EPAS1: variants seen among roughly 807,000 people sequenced by gnomAD.
EPAS1 encodes endothelial PAS domain-containing protein 1.
EPAS1 carries 23 observed loss-of-function variants against 87.9 expected under a neutral mutation model. The observed-to-expected ratio is 0.26, with a 90% CI of 0.19 to 0.37. The LOEUF (loss-of-function observed/expected upper bound fraction) is 0.37, where lower values mean the gene tolerates loss of function less well. Among genes scored for constraint, EPAS1 ranks in the 10% least tolerant of loss-of-function variants. The probability of loss-of-function intolerance (pLI) is 1.00; values close to 1 mark genes in which losing one functional copy is unlikely to be tolerated. For synonymous variants in EPAS1, 508 were observed against 444.3 expected (o/e 1.14, Z -1.80); for missense variants, 1,138 against 1,120.7 (o/e 1.02, Z -0.22).
chr2:46,347,316 G>A lies in EPAS1; in HGVS notation c.217+253G>A, dbSNP rs950552672. ...GGAAGAACATGGGCACCCAGAGGCTGTGGAGAACACGGGCTGGGAGAACCA... is the reference window on the plus strand; with the variant it reads ...GGAAGAACATGGGCACCCAGAGGCTATGGAGAACACGGGCTGGGAGAACCA... On this transcript the variant is annotated intron_variant, in intron 2 of 15. Coordinates refer to ENST00000263734, the MANE Select transcript of EPAS1 (RefSeq NM_001430.5). The surrounding 1 kb of genome is among the most constrained non-coding windows in gnomAD (Gnocchi z 4.2). 1.6e-5 allele frequency: 9 copies of A among 566,912 alleles called. No homozygotes were observed. In the African/African-American group the frequency reaches 1.7e-4, roughly 11 times the overall value. 35.1% of individuals were successfully genotyped at this position (566,912 alleles called of 1,614,324 possible). A position where few individuals can be genotyped will look rare whatever the true frequency, so the allele number is the denominator to read the frequency against.
At chr2:46,359,825 G>C (rs1353465118) in intron 4 of EPAS1, among the ~76,000 whole-genome samples, 1 of 152,194 alleles carries the variant, frequency 6.6e-6, no homozygotes, top group Non-Finnish European at 1.5e-5. Context: ...TTTAGACACA[G>C]ACAAGTGGGA....
chr2:46,384,567 C>G lies in EPAS1; in HGVS notation c.2520C>G (p.Thr840=), dbSNP rs749856967. 1.9e-6 allele frequency: 3 copies of G among 1,614,176 alleles called. No individual in the cohort carries two copies. Among genetic ancestry groups the G allele is most frequent in the Non-Finnish European group, 2.5e-6 (3 of 1,180,034 alleles). The part of the protein sequence containing the change: ...SFESYLLPEL[T]RYDCEVNVPV... ...AGTCCTACCTGCTGCCCGAACTGAC[C>G]AGATATGACTGTGAGGTGAACGTGC... The change falls in exon 16 of 16, where the codon ACC becomes ACG. Residue 840 remains threonine (T), a synonymous_variant. Transcript: ENST00000263734.
chr2:46,363,272 A>C (rs964780143), intron 6 of EPAS1, among the ~76,000 whole-genome samples: 12 of 152,180 alleles, frequency 7.9e-5, no homozygotes, highest in Admixed American at 7.9e-4. Flanking sequence ...GAGCATATAT[A>C]GTGCTGGGGA....
rs1254881855 is a variant in EPAS1, at chr2:46,375,328, AG to A, written c.887-361del. On this transcript the variant is annotated intron_variant, in intron 7 of 15. Transcript: ENST00000263734. This position sits in a 1 kb window ranked among gnomAD's most constrained non-coding sequence, Gnocchi z 4.1. ...TCTTCTCATTGAACCCCATGAAGAA[AG>A]TAAGGCAGGTTCTGGACTTGGTTCT... 2.0e-5 allele frequency among the ~76,000 whole-genome samples: 3 copies of A among 152,090 alleles called. No homozygotes were observed. Among genetic ancestry groups the A allele is most frequent in the African/African-American group, 7.2e-5 (3 of 41,412 alleles).
chr2:46,313,583 C>T (rs560494943), intron 1 of EPAS1, among the ~76,000 whole-genome samples: 2 of 152,186 alleles, frequency 1.3e-5, no homozygotes, highest in South Asian at 4.2e-4. Flanking sequence ...TCCTGAGTAG[C>T]GGGGATTACA....
intron 1 of EPAS1, among the ~76,000 whole-genome samples, chr2:46,320,306 T>G (rs1683428985): frequency 6.6e-6 from 1 of 152,224 alleles, no homozygotes; most frequent in South Asian, 2.1e-4. Flanking sequence ...ACTTGCCATG[T>G]GTACACATTT....
chr2:46,302,118 C>CTCTCTGTG (rs35925160), intron 1 of EPAS1, among the ~76,000 whole-genome samples: 55 of 127,642 alleles, frequency 4.3e-4, no homozygotes, highest in Middle Eastern at 3.7e-3. Context: ...CTCTTTCTCT[C>CTCTCTGTG]TGTGTGTGTG....
Position 46,302,118 on chromosome 2 carries a change from C to CTCTGTG in EPAS1, c.26+4182_26+4183insCTGTGT, listed in dbSNP as rs35925160. Among the ~76,000 whole-genome samples, 469 of 127,616 alleles carry CTCTGTG rather than the reference C, an allele frequency of 3.7e-3. 4 individuals carry two copies. Among genetic ancestry groups the CTCTGTG allele is most frequent in the Admixed American group, 5.4e-3 (70 of 12,908 alleles). 83.7% of individuals were successfully genotyped at this position (127,616 alleles called of 152,430 possible). A position where few individuals can be genotyped will look rare whatever the true frequency, so the allele number is the denominator to read the frequency against. ...TTACTTAGAATGTCCCTCTTTCTCT[C>CTCTGTG]TGTGTGTGTGTGTGTGTGTGTGTGT... On this transcript the variant is annotated intron_variant, in intron 1 of 15. Transcript: ENST00000263734.
chr2:46,370,644 T>C, intron 7 of EPAS1, among the ~76,000 whole-genome samples: 1 of 152,242 alleles, frequency 6.6e-6, no homozygotes. Flanking sequence ...GTGGAAATGT[T>C]CTTGAAATGT....
At chr2:46,298,041 C>T (rs1009469345) in intron 1 of EPAS1, 104 bp downstream of exon 1, 1 of 1,418,018 alleles carries the variant, frequency 7.1e-7, no homozygotes, top group East Asian at 2.4e-5. Context: ...GCTGAGAGGT[C>T]TTCGGAGCTC....
At chr2:46,316,635 A>G (rs932092435) in intron 1 of EPAS1, among the ~76,000 whole-genome samples, 1 of 152,198 alleles carries the variant, frequency 6.6e-6, no homozygotes, top group African/African-American at 2.4e-5. Context: ...GCCTTCAGTG[A>G]GTCATAATCT....
intron 1 of EPAS1, among the ~76,000 whole-genome samples, chr2:46,311,829 C>T (rs1379228193): frequency 6.6e-6 from 1 of 152,172 alleles, no homozygotes; most frequent in East Asian, 1.9e-4. Context: ...TGGCCGCCAG[C>T]CAGCCCAAGG....
intron 1 of EPAS1, among the ~76,000 whole-genome samples, chr2:46,301,294 G>T (rs1682991057): frequency 6.6e-6 from 1 of 152,110 alleles, no homozygotes; most frequent in Non-Finnish European, 1.5e-5. Flanking sequence ...TAAGAGTCAG[G>T]GCTGGTCGCG....
chr2:46,307,465 C>A (rs552504478), intron 1 of EPAS1, among the ~76,000 whole-genome samples: 1 of 152,150 alleles, frequency 6.6e-6, no homozygotes, highest in Non-Finnish European at 1.5e-5. Context: ...GGGAGTCTGT[C>A]TTTTATTCTG....
chr2:46,308,452 C>CT (rs145820702), intron 1 of EPAS1, among the ~76,000 whole-genome samples: 6,772 of 90,864 alleles, frequency 0.075, 668 homozygotes, highest in African/African-American at 0.2. Context: ...ACCTTGCTTG[C>CT]TTTTTTTTGG....
Position 46,346,945 on chromosome 2 carries a change from G to A in EPAS1, c.99G>A (p.Val33=), listed in dbSNP as rs759108016. 1.2e-6 allele frequency: 2 copies of A among 1,614,206 alleles called. No homozygotes were observed. The highest frequency in any genetic ancestry group is 1.7e-6 in the Non-Finnish European group (2 of 1,180,024). The change falls in exon 2 of 16, where the codon GTG becomes GTA. Residue 33 remains valine, a synonymous_variant. Coordinates refer to ENST00000263734, the MANE Select transcript of EPAS1 (RefSeq NM_001430.5). This position sits in a 1 kb window ranked among gnomAD's most constrained non-coding sequence, Gnocchi z 4.0. ...GCCGGCGGAGCAAGGAGACGGAGGT[G>A]TTCTATGAGCTGGCCCATGAGCTGC... The part of the protein sequence containing the change: ...ARCRRSKETE[V]FYELAHELPL...
chr2:46,381,423 C>A, intron 12 of EPAS1, 173 bp from the exon 13 acceptor site: 2 of 973,678 alleles, frequency 2.1e-6, no homozygotes, highest in Non-Finnish European at 3.2e-6. Context: ...AGGAAGGAGA[C>A]AGAGCTCGAG....
chr2:46,326,458 G>A (rs2104854179), intron 1 of EPAS1, among the ~76,000 whole-genome samples: 1 of 152,230 alleles, frequency 6.6e-6, no homozygotes. Flanking sequence ...TGACTGTAAG[G>A]TTGTGCAAGA....
intron 11 of EPAS1, 35 bp downstream of exon 11, chr2:46,378,802 C>T (rs1684817304): frequency 6.4e-7 from 1 of 1,556,682 alleles, no homozygotes; most frequent in Non-Finnish European, 8.9e-7. Flanking sequence ...AGGGTGTGTG[C>T]CTGCTGTCTG....
Sources: gnomAD v4.1 joint callset for allele counts (sites outside exome capture counted in the v4.1 genomes callset) on GRCh38, gnomAD v4.1.1 for gene constraint, Gnocchi (gnomAD v3.1) non-coding constraint, MANE v1.5 for transcripts, NCBI Gene and HGNC (gene_info 2026-07-23, HGNC 2026-07-21) for gene names.